MCUR1: variants seen among roughly 807,000 people sequenced by gnomAD.
The protein encoded by MCUR1 is mitochondrial calcium uniporter regulator 1.
MCUR1 carries 37 observed loss-of-function variants against 42.0 expected under a neutral mutation model. The observed-to-expected ratio is 0.88, with a 90% CI of 0.68 to 1.16. The LOEUF (loss-of-function observed/expected upper bound fraction) is 1.16, where lower values mean the gene tolerates loss of function less well. MCUR1 is among the 50% of genes most tolerant of loss of function. The pLI, the probability that MCUR1 is intolerant of heterozygous loss-of-function variation, is 0.00. For synonymous variants in MCUR1, 229 were observed against 196.2 expected, an observed-to-expected ratio of 1.17 and a Z score of -1.40; for missense variants, 469 against 468.4, an observed-to-expected ratio of 1.00 and a Z score of -0.01.
At position 13,806,613 on chromosome 6, in the gene MCUR1, T is replaced by G. The variant is rs558887716; in HGVS notation, c.535+312A>C. Reference sequence around the variant, plus strand: ...TGGAGATTAATTAAAAGATTGCCCATAGGCCTAAAAGTCAAAGAGATACAA... The same window carrying G: ...TGGAGATTAATTAAAAGATTGCCCAGAGGCCTAAAAGTCAAAGAGATACAA... On this transcript the variant is annotated intron_variant, in intron 2 of 8. Transcript: ENST00000379170. 3.5e-4 allele frequency among the ~76,000 whole-genome samples: 54 copies of G among 152,236 alleles called. 1 individual carries two copies. In the South Asian group the frequency reaches 0.011, roughly 31 times the overall value.
At chr6:13,809,266 A>T (rs1760178901) in intron 1 of MCUR1, among the ~76,000 whole-genome samples, 1 of 152,052 alleles carries the variant, frequency 6.6e-6, no homozygotes. Context: ...ATTTAGGAAC[A>T]TTATACTTTA....
At chr6:13,807,380 C>T (rs772294116) in intron 1 of MCUR1, among the ~76,000 whole-genome samples, 2 of 152,150 alleles carry the variant, frequency 1.3e-5, no homozygotes, top group Non-Finnish European at 2.9e-5. Flanking sequence ...TGTTTACCTA[C>T]TCTGAAGATT....
chr6:13,792,288 ATGTGAAAAAGCATT>A (rs1430389657), intron 7 of MCUR1, among the ~76,000 whole-genome samples: 2 of 152,204 alleles, frequency 1.3e-5, no homozygotes, highest in Non-Finnish European at 2.9e-5. Context: ...GCGATAATCT[ATGTGAAAAAGCATT>A]TGTAAGCTCT....
intron 7 of MCUR1, among the ~76,000 whole-genome samples, chr6:13,793,550 T>C (rs1212624180): frequency 6.6e-6 from 1 of 152,184 alleles, no homozygotes; most frequent in Admixed American, 6.5e-5. Flanking sequence ...ATATGAGGTA[T>C]GTAGAATAGT....
At chr6:13,797,034 A>G (rs1489838858) in intron 6 of MCUR1, among the ~76,000 whole-genome samples, 1 of 152,228 alleles carries the variant, frequency 6.6e-6, no homozygotes, top group East Asian at 1.9e-4. Context: ...GTAAGACTAG[A>G]AAGACAGGTA....
intron 1 of MCUR1, among the ~76,000 whole-genome samples, chr6:13,809,582 G>A (rs989585653): frequency 1.3e-5 from 2 of 151,858 alleles, no homozygotes; most frequent in Admixed American, 1.3e-4. Context: ...TGGATTTTAT[G>A]AACTGCTAAA....
chr6:13,804,229 G>A, intron 2 of MCUR1: 1 of 198,702 alleles, frequency 5.0e-6, no homozygotes, highest in Non-Finnish European at 1.1e-5. Context: ...AGGATGAGGT[G>A]GGAGGATCGC....
chr6:13,793,507 A>T (rs1442841463), intron 7 of MCUR1, among the ~76,000 whole-genome samples: 2 of 152,264 alleles, frequency 1.3e-5, no homozygotes, highest in East Asian at 3.8e-4. Flanking sequence ...GAAATAAGCC[A>T]GCCACAAAAA....
At chr6:13,801,164 G>A in intron 4 of MCUR1, 124 bp downstream of exon 4, 1 of 695,484 alleles carries the variant, frequency 1.4e-6, no homozygotes, top group Non-Finnish European at 2.4e-6. Flanking sequence ...CGATCTGACT[G>A]GAAGTGCACA....
chr6:13,811,868 T>G (rs12197637), intron 1 of MCUR1, among the ~76,000 whole-genome samples: 15,323 of 152,096 alleles, frequency 0.1, 1,170 homozygotes, highest in African/African-American at 0.21. Context: ...AGTTTTTTTG[T>G]TATTGTTGTT....
At chr6:13,798,281 C>G (rs945848739) in intron 6 of MCUR1, among the ~76,000 whole-genome samples, 18 of 151,772 alleles carry the variant, frequency 1.2e-4, no homozygotes, top group African/African-American at 4.3e-4. Flanking sequence ...ATTTTTAGTA[C>G]AGACAGGGTT....
At chr6:13,808,267 T>TA (rs765453234) in intron 1 of MCUR1, among the ~76,000 whole-genome samples, 5 of 152,230 alleles carry the variant, frequency 3.3e-5, no homozygotes, top group South Asian at 4.1e-4. Context: ...CTTTTCTTTA[T>TA]AAAGTACCAG....
Position 13,787,442 on chromosome 6 carries a change from CAA to C in MCUR1, c.*3365_*3366del, listed in dbSNP as rs1347949547. On this transcript the variant is annotated 3_prime_UTR_variant, in exon 9 of 9. Coordinates refer to ENST00000379170, the MANE Select transcript of MCUR1 (RefSeq NM_001031713.4). The stretch of plus-strand genomic sequence containing the variant: ...GATGACAGTAAAACCAATACAGAAA[CAA>C]AAAGTCATGTTTCCAGTAAAGAACC... 6.6e-6 allele frequency: 1 copy of C among 151,980 alleles called. No individual in the cohort carries two copies. Among genetic ancestry groups the C allele is most frequent in the South Asian group, 2.1e-4 (1 of 4,824 alleles). The allele number at this position is 151,980 out of a possible 1,614,324, so 9.4% of individuals were successfully genotyped here. A position where few individuals can be genotyped will look rare whatever the true frequency, so the allele number is the denominator to read the frequency against.
rs114892286 is a variant in MCUR1 at position 13,794,326 on chromosome 6, A to G, written c.856-379T>C. Reference sequence around the variant, plus strand: ...AGTCATCTGTCACTTCTCCCTGCATATTTCCTGTGATGTCTTTAGGTCCCT... The same window carrying G: ...AGTCATCTGTCACTTCTCCCTGCATGTTTCCTGTGATGTCTTTAGGTCCCT... On this transcript the variant is annotated intron_variant, in intron 6 of 8. Transcript: ENST00000379170. Among the ~76,000 whole-genome samples the G allele has an allele frequency of 2.9e-3, 448 of 152,080 alleles. 3 individuals carry two copies. Among genetic ancestry groups the G allele is most frequent in the African/African-American group, 9.7e-3 (401 of 41,452 alleles).
chr6:13,802,436 G>A (rs756793998), intron 2 of MCUR1, 90 bp from the exon 3 acceptor site: 221 of 1,009,470 alleles, frequency 2.2e-4, no homozygotes, highest in Non-Finnish European at 3.2e-4. Flanking sequence ...CCAAATCCAG[G>A]AGGAAGAGTA....
At chr6:13,803,919 C>T in intron 2 of MCUR1, 1 of 969,480 alleles carries the variant, frequency 1.0e-6, no homozygotes, top group Non-Finnish European at 1.2e-6. Flanking sequence ...GATCTTTGAG[C>T]CCAGGAGTTC....
At position 13,802,318 on chromosome 6, in the gene MCUR1, AATG is replaced by A. The variant is rs1279017095; in HGVS notation, c.561_563del (p.Ile188del). ...CCAGGATCTTGACCAATGCAGACAC[AATG>A]ATTTCTGCTTGTTGAGTAGCAAACC... On this transcript the variant is annotated inframe_deletion, in exon 3 of 9. Transcript: ENST00000379170. The A allele has an allele frequency of 3.7e-6, 6 of 1,613,806 alleles. No homozygotes were observed. The highest frequency in any genetic ancestry group is 1.7e-5 in the Admixed American group (1 of 60,008).
chr6:13,794,959 T>C (rs1229990397), intron 6 of MCUR1, among the ~76,000 whole-genome samples: 1 of 152,046 alleles, frequency 6.6e-6, no homozygotes, highest in Admixed American at 6.6e-5. Flanking sequence ...TCCTTAGTAG[T>C]GGGCAACAAG....
intron 2 of MCUR1, among the ~76,000 whole-genome samples, 155 bp from the exon 3 acceptor site, chr6:13,802,501 C>CAAGCA (rs1760013631): frequency 6.6e-6 from 1 of 152,136 alleles, no homozygotes; most frequent in Non-Finnish European, 1.5e-5. Flanking sequence ...CTATGACGTG[C>CAAGCA]CGGTCACTCA....
Sources: allele counts gnomAD v4.1 joint callset (sites outside exome capture counted in the v4.1 genomes callset), GRCh38; gene constraint gnomAD v4.1.1; transcripts MANE v1.5; gene names NCBI Gene and HGNC (gene_info 2026-07-23, HGNC 2026-07-21).